Variants in DAG1 observed in about 807,000 individuals in gnomAD.
DAG1 encodes dystroglycan 1.
DAG1 carries 8 observed loss-of-function variants against 46.1 expected under a neutral mutation model. The observed-to-expected ratio is 0.17, with a 90% CI of 0.10 to 0.31. The LOEUF is 0.31. Ranked by LOEUF, DAG1 falls within the 10% of genes least tolerant of loss-of-function variation. The pLI is 1.00. For synonymous variants in DAG1, 495 were observed against 481.8 expected (o/e 1.03, Z -0.36); for missense variants, 1,003 against 1,189.9 (o/e 0.84, Z 2.31).
intron 1 of DAG1, among the ~76,000 whole-genome samples, chr3:49,487,692 C>CTTTTTTTTTTTTTTTTTTTTTTT (rs10686005): frequency 4.7e-5 from 5 of 105,718 alleles, no homozygotes; most frequent in Non-Finnish European, 7.2e-5. Flanking sequence ...CCCATACATT[C>CTTTTTTTTTTTTTTTTTTTTTTT]TTTTTTTTTT....
chr3:49,511,458 C>T (rs2050759759), intron 2 of DAG1, among the ~76,000 whole-genome samples: 1 of 152,172 alleles, frequency 6.6e-6, no homozygotes, highest in Non-Finnish European at 1.5e-5. Context: ...CATGGAATTT[C>T]CCCTAGATCT....
intron 1 of DAG1, among the ~76,000 whole-genome samples, chr3:49,491,700 T>A (rs952296396): frequency 6.6e-6 from 1 of 152,044 alleles, no homozygotes; most frequent in African/African-American, 2.4e-5. Context: ...ATGGTCTCGA[T>A]CTCCTGACCT....
At chr3:49,503,942 A>G (rs2050526533) in intron 1 of DAG1, among the ~76,000 whole-genome samples, 1 of 152,108 alleles carries the variant, frequency 6.6e-6, no homozygotes, top group Non-Finnish European at 1.5e-5. Context: ...ATTTTTTGAG[A>G]TAATTGTGAA....
intron 1 of DAG1, among the ~76,000 whole-genome samples, chr3:49,473,206 G>A (rs2049576677): frequency 1.3e-5 from 2 of 151,864 alleles, no homozygotes; most frequent in Non-Finnish European, 2.9e-5. Flanking sequence ...ACGAGGTCAG[G>A]AGATCAAGAC....
intron 1 of DAG1, among the ~76,000 whole-genome samples, chr3:49,508,080 T>A (rs1334081954): frequency 6.6e-6 from 1 of 152,018 alleles, no homozygotes; most frequent in Non-Finnish European, 1.5e-5. Flanking sequence ...ATTTTATTAA[T>A]CTTTTCAAAT....
At chr3:49,487,842 A>G (rs1191461881) in intron 1 of DAG1, among the ~76,000 whole-genome samples, 2 of 151,778 alleles carry the variant, frequency 1.3e-5, no homozygotes, top group Admixed American at 1.3e-4. Flanking sequence ...TGGGACTACA[A>G]CAGGCTCCCG....
At chr3:49,500,768 CTT>C (rs1213471486) in intron 1 of DAG1, among the ~76,000 whole-genome samples, 1 of 152,202 alleles carries the variant, frequency 6.6e-6, no homozygotes. Flanking sequence ...CCCAAGCACT[CTT>C]TTCTCCCACA....
intron 1 of DAG1, among the ~76,000 whole-genome samples, chr3:49,472,701 G>T (rs1218864814): frequency 6.6e-6 from 1 of 152,148 alleles, no homozygotes; most frequent in Admixed American, 6.5e-5. Flanking sequence ...CAGCTACTCA[G>T]GAGGCTGAGG....
intron 2 of DAG1, among the ~76,000 whole-genome samples, chr3:49,520,346 C>T (rs1032367712): frequency 1.3e-5 from 2 of 152,216 alleles, no homozygotes; most frequent in Admixed American, 6.5e-5. Context: ...GGTCCATCTC[C>T]TGCTTCCCTG....
intron 1 of DAG1, among the ~76,000 whole-genome samples, chr3:49,483,749 A>G (rs571356689): frequency 4.1e-4 from 62 of 152,198 alleles, no homozygotes; most frequent in Admixed American, 7.2e-4. Flanking sequence ...ATCATAGCTC[A>G]CTTCAGTCTT....
rs534127814 is a variant in DAG1 at position 49,514,654 on chromosome 3, G to A, written c.285+3835G>A. Reference sequence around the variant, plus strand: ...CCTGGCTAATTTTTGTGTTTTTTTGGGGGGATGGAGTTTCGCTCTTGTCGC... The same window carrying A: ...CCTGGCTAATTTTTGTGTTTTTTTGAGGGGATGGAGTTTCGCTCTTGTCGC... On this transcript the variant is annotated intron_variant, in intron 2 of 2. Coordinates refer to ENST00000308775, the MANE Select transcript of DAG1 (RefSeq NM_004393.6). Among the ~76,000 whole-genome samples, 4 of 147,726 alleles carry A rather than the reference G, an allele frequency of 2.7e-5. No homozygotes were observed. The East Asian group carries it at 8.3e-4, about 31-fold the overall frequency.
In DAG1 at chr3:49,532,110, G is replaced by A. The variant is rs778143671; in HGVS notation, c.1599G>A (p.Lys533=). The part of the protein sequence containing the change: ...FYDHEDTTTD[K]LKLTLKLREQ... ...ACCATGAGGACACCACCACTGACAAGCTGAAGCTGACCCTGAAACTGCGGG... is the reference window on the plus strand; with the variant it reads ...ACCATGAGGACACCACCACTGACAAACTGAAGCTGACCCTGAAACTGCGGG... The change falls in exon 3 of 3, where the codon AAG becomes AAA. Residue 533 remains lysine, a synonymous_variant. Transcript: ENST00000308775. The surrounding 1 kb of genome is among the most constrained non-coding windows in gnomAD (Gnocchi z 5.4). 2 of 1,614,226 alleles carry A rather than the reference G, an allele frequency of 1.2e-6. No individual in the cohort carries two copies. Among genetic ancestry groups the A allele is most frequent in the Non-Finnish European group, 1.7e-6 (2 of 1,180,036 alleles).
intron 1 of DAG1, among the ~76,000 whole-genome samples, chr3:49,472,229 G>C (rs71324966): frequency 6.6e-6 from 1 of 152,126 alleles, no homozygotes; most frequent in Admixed American, 6.6e-5. Context: ...TCAGCTAACA[G>C]AGGAGAGGTG....
intron 1 of DAG1, among the ~76,000 whole-genome samples, chr3:49,479,007 G>A (rs755415944): frequency 1.3e-5 from 2 of 151,648 alleles, no homozygotes; most frequent in Non-Finnish European, 2.9e-5. Flanking sequence ...TAGAGACGAG[G>A]TTTTACTATG....
At chr3:49,490,581 T>A (rs962949593) in intron 1 of DAG1, among the ~76,000 whole-genome samples, 5 of 151,876 alleles carry the variant, frequency 3.3e-5, no homozygotes, top group East Asian at 3.9e-4. Flanking sequence ...TTTTATTTTT[T>A]TTTTTTGGGA....
intron 1 of DAG1, among the ~76,000 whole-genome samples, chr3:49,507,792 A>G (rs1448357090): frequency 6.6e-6 from 1 of 152,028 alleles, no homozygotes; most frequent in African/African-American, 2.4e-5. Context: ...TAGCCTCCTG[A>G]GTACCTGGGA....
chr3:49,494,760 G>T (rs896121588), intron 1 of DAG1, among the ~76,000 whole-genome samples: 5 of 149,974 alleles, frequency 3.3e-5, no homozygotes, highest in African/African-American at 1.2e-4. Flanking sequence ...TCAGCTTCCC[G>T]AGTAGCTGGG....
At chr3:49,487,768 C>T (rs916994858) in intron 1 of DAG1, among the ~76,000 whole-genome samples, 2 of 142,246 alleles carry the variant, frequency 1.4e-5, no homozygotes, top group South Asian at 2.2e-4. Context: ...GGCGTGATCT[C>T]GGCTCACTGC....
At chr3:49,492,127 A>G (rs745825616) in intron 1 of DAG1, among the ~76,000 whole-genome samples, 1 of 151,324 alleles carries the variant, frequency 6.6e-6, no homozygotes, top group African/African-American at 2.4e-5. Context: ...GGGTTTCACC[A>G]TGTTGGTCAG....
Sources: allele counts gnomAD v4.1 joint callset (sites outside exome capture counted in the v4.1 genomes callset), GRCh38; gene constraint gnomAD v4.1.1; non-coding constraint Gnocchi (gnomAD v3.1); transcripts MANE v1.5; gene names NCBI Gene and HGNC (gene_info 2026-07-23, HGNC 2026-07-21).